The following SEC14L1 variants were observed in gnomAD, a reference collection of about 807,000 sequenced individuals.
SEC14L1 encodes the protein SEC14-like protein 1.
Under a neutral mutation model 85.3 loss-of-function variants are expected in SEC14L1, and 48 were observed. That is an observed-to-expected ratio of 0.56 (90% CI 0.45 to 0.72). SEC14L1 has a LOEUF of 0.72. SEC14L1 is among the 30% of genes least tolerant of loss of function. The probability of loss-of-function intolerance (pLI) is 0.00; values close to 1 mark genes in which losing one functional copy is unlikely to be tolerated. For synonymous variants in SEC14L1, 391 were observed against 355.5 expected, an observed-to-expected ratio of 1.10 and a Z score of -1.12; for missense variants, 682 against 921.4, an observed-to-expected ratio of 0.74 and a Z score of 3.36.
chr17:77,179,249 C>G (rs190771067), intron 3 of SEC14L1, among the ~76,000 whole-genome samples: 2 of 152,070 alleles, frequency 1.3e-5, no homozygotes, highest in Non-Finnish European at 2.9e-5. Context: ...TATACCATTG[C>G]GTGGTAAACT....
intron 3 of SEC14L1, among the ~76,000 whole-genome samples, chr17:77,181,649 G>A (rs1975043455): frequency 6.6e-6 from 1 of 152,168 alleles, no homozygotes; most frequent in African/African-American, 2.4e-5. Context: ...AACCTCGGGT[G>A]AGGTAGTCTA....
At chr17:77,120,279 G>A (rs1050628884) in intron 3 of SEC14L1, among the ~76,000 whole-genome samples, 1 of 152,130 alleles carries the variant, frequency 6.6e-6, no homozygotes, top group African/African-American at 2.4e-5. Context: ...TAGGCATGAA[G>A]CGTTCTAACC....
intron 3 of SEC14L1, among the ~76,000 whole-genome samples, chr17:77,117,394 T>G (rs967947078): frequency 8.5e-5 from 13 of 152,090 alleles, no homozygotes; most frequent in African/African-American, 2.7e-4. Context: ...TGAAGTAAGC[T>G]CTACACAGAG....
At chr17:77,185,496 A>G (rs1021413145) in intron 3 of SEC14L1, 3 of 450,064 alleles carry the variant, frequency 6.7e-6, no homozygotes, top group African/African-American at 6.4e-5. Context: ...GTGACACCTT[A>G]TGCTGACCAC....
rs956651820 is a variant in SEC14L1 at position 77,213,234 on chromosome 17, C to T, written c.1864-80C>T. On this transcript the variant is annotated intron_variant, in intron 15 of 16. Coordinates refer to ENST00000436233, the MANE Select transcript of SEC14L1 (RefSeq NM_001143998.2). This position sits in a 1 kb window ranked among gnomAD's most constrained non-coding sequence, Gnocchi z 7.1. ...CTACATGAAATCCTAAAGACAGTCCCCTTGGCGCTTGTCAGGCCTGTGGTA... is the reference window on the plus strand; with the variant it reads ...CTACATGAAATCCTAAAGACAGTCCTCTTGGCGCTTGTCAGGCCTGTGGTA... The T allele has an allele frequency of 8.2e-7, 1 of 1,226,330 alleles. No individual in the cohort carries two copies. Among genetic ancestry groups the T allele is most frequent in the Non-Finnish European group, 1.1e-6 (1 of 880,184 alleles). 76.0% of individuals were successfully genotyped at this position (1,226,330 alleles called of 1,614,324 possible). A position where few individuals can be genotyped will look rare whatever the true frequency, so the allele number is the denominator to read the frequency against.
chr17:77,138,522 G>A (rs191228404), upstream of SEC14L1, among the ~76,000 whole-genome samples: 9 of 152,104 alleles, frequency 5.9e-5, no homozygotes, highest in Non-Finnish European at 1.3e-4. Flanking sequence ...TGAGGCAGGA[G>A]GGCAGGAGAA....
intron 9 of SEC14L1, among the ~76,000 whole-genome samples, chr17:77,202,337 G>A (rs777701976): frequency 6.6e-6 from 1 of 151,954 alleles, no homozygotes; most frequent in Non-Finnish European, 1.5e-5. Context: ...AAAAAAAGGA[G>A]GCTGGGCGCG....
chr17:77,215,242 A>G lies in SEC14L1; in HGVS notation c.*1219A>G, dbSNP rs563854094. On this transcript the variant is annotated 3_prime_UTR_variant, in exon 17 of 17. Transcript: ENST00000436233. The stretch of plus-strand genomic sequence containing the variant: ...AATTCCTGATTTTAAAGCCTGCTCT[A>G]TCTGGTACAGGCCCTTATTTTTTCA... The G allele has an allele frequency of 6.1e-6, 6 of 985,398 alleles. No homozygotes were observed. In the South Asian group the frequency reaches 2.8e-4, roughly 46 times the overall value. The allele number at this position is 985,398 out of a possible 1,614,324, so 61.0% of individuals were successfully genotyped here.
At chr17:77,204,361 G>A (rs1046933892) in intron 10 of SEC14L1, among the ~76,000 whole-genome samples, 3 of 151,698 alleles carry the variant, frequency 2.0e-5, no homozygotes, top group Non-Finnish European at 4.4e-5. Context: ...GGGATTTCAG[G>A]CACCCGCCAC....
At chr17:77,184,003 C>G (rs1301817325) in intron 3 of SEC14L1, among the ~76,000 whole-genome samples, 1 of 152,094 alleles carries the variant, frequency 6.6e-6, no homozygotes, top group Admixed American at 6.5e-5. Context: ...CCAGGCGGGT[C>G]TCGAACTCCT....
chr17:77,096,362 GC>G (rs35432187), intron 3 of SEC14L1, among the ~76,000 whole-genome samples: 27,469 of 148,150 alleles, frequency 0.19, 2,955 homozygotes, highest in East Asian at 0.36. Context: ...TTCGAGACCA[GC>G]CTGGCCAACA....
In SEC14L1 at chr17:77,100,710, TA is replaced by T. The variant is rs576939821; in HGVS notation, c.-136+7364del. Among the ~76,000 whole-genome samples the T allele has an allele frequency of 4.6e-5, 7 of 152,226 alleles. No individual in the cohort carries two copies. The East Asian group carries it at 1.4e-3, about 29-fold the overall frequency. On this transcript the variant is annotated intron_variant, in intron 3 of 19. Transcript: ENST00000392476. ...CCTCGGCCTCCCAAAGTGCTGGGATTACAGGAGTGAGCCACCGCGCCCAGCC... is the reference window on the plus strand; with the variant it reads ...CCTCGGCCTCCCAAAGTGCTGGGATTCAGGAGTGAGCCACCGCGCCCAGCC...
At chr17:77,190,994 G>A in intron 4 of SEC14L1, 42 bp downstream of exon 4, 3 of 1,604,716 alleles carry the variant, frequency 1.9e-6, no homozygotes, top group Non-Finnish European at 2.6e-6. Flanking sequence ...AGGGCGTCCT[G>A]GTGGGAGAGG....
intron 3 of SEC14L1, 150 bp downstream of exon 3, chr17:77,143,809 T>C: frequency 2.0e-6 from 1 of 493,034 alleles, no homozygotes; most frequent in South Asian, 4.0e-5. Context: ...CTAGAGTGTG[T>C]AAAATGTTTT....
intron 9 of SEC14L1, 85 bp from the exon 10 acceptor site, chr17:77,203,485 C>A: frequency 8.4e-7 from 1 of 1,188,422 alleles, no homozygotes; most frequent in Non-Finnish European, 1.2e-6. Context: ...CAGGCGAACA[C>A]ATATTCCTGT....
intron 3 of SEC14L1, among the ~76,000 whole-genome samples, chr17:77,126,567 G>A (rs1219007787): frequency 6.6e-6 from 1 of 152,174 alleles, no homozygotes; most frequent in African/African-American, 2.4e-5. Flanking sequence ...TTCCTTGCAT[G>A]CTCCTGGAAT....
intron 3 of SEC14L1, among the ~76,000 whole-genome samples, chr17:77,189,006 T>A (rs201557632): frequency 2.0e-5 from 3 of 151,970 alleles, no homozygotes; most frequent in South Asian, 2.1e-4. Context: ...TTTTTTTTTT[T>A]AATCATGGTA....
At chr17:77,090,216 CG>C (rs1410194861) in intron 2 of SEC14L1, 2 of 149,956 alleles carry the variant, frequency 1.3e-5, no homozygotes, top group African/African-American at 4.9e-5. Context: ...CGCTTGAACC[CG>C]GGAGGTGGAG....
intron 7 of SEC14L1, 53 bp downstream of exon 7, chr17:77,194,964 G>A: frequency 2.2e-6 from 3 of 1,371,954 alleles, no homozygotes; most frequent in Non-Finnish European, 3.1e-6. Flanking sequence ...AGTCGGCGTT[G>A]CCGTTTTCTC....
Sources: gnomAD v4.1 joint callset for allele counts (sites outside exome capture counted in the v4.1 genomes callset) on GRCh38, gnomAD v4.1.1 for gene constraint, Gnocchi (gnomAD v3.1) non-coding constraint, MANE v1.5 for transcripts, NCBI Gene and HGNC (gene_info 2026-07-23, HGNC 2026-07-21) for gene names.